Variants in CLEC16A observed in about 807,000 individuals in gnomAD.
CLEC16A encodes C-type lectin domain containing 16A, also known as protein CLEC16A.
CLEC16A carries 51 observed loss-of-function variants against 109.5 expected under a neutral mutation model. That is an observed-to-expected ratio of 0.47 (90% CI 0.37 to 0.59). The LOEUF (loss-of-function observed/expected upper bound fraction) is 0.59. Ranked by LOEUF, CLEC16A falls within the 20% of genes least tolerant of loss-of-function variation. The pLI is 0.00. For synonymous variants in CLEC16A, 673 were observed against 564.2 expected (o/e 1.19, Z -2.73); for missense variants, 1,339 against 1,394.0 (o/e 0.96, Z 0.63).
chr16:11,074,586 A>C (rs2049247560), intron 19 of CLEC16A, among the ~76,000 whole-genome samples: 1 of 151,922 alleles, frequency 6.6e-6, no homozygotes, highest in Non-Finnish European at 1.5e-5. Context: ...GCATTCATTG[A>C]TGTGGTTTAA....
At position 11,037,252 on chromosome 16, in the gene CLEC16A, G is replaced by C. The variant is rs562255435; in HGVS notation, c.1538-2502G>C. On this transcript the variant is annotated intron_variant, in intron 13 of 23. Transcript: ENST00000409790. ...CCTGTGTGCTCCTGGTGGGCTGGCT[G>C]TGTGGGTGCTGCCACCCTTTCCCAT... Among the ~76,000 whole-genome samples the C allele has an allele frequency of 1.9e-3, 293 of 152,314 alleles. 2 individuals carry two copies. The highest frequency in any genetic ancestry group is 6.7e-3 in the African/African-American group (277 of 41,564).
chr16:11,101,485 C>T (rs968412941), intron 19 of CLEC16A, among the ~76,000 whole-genome samples: 5 of 152,232 alleles, frequency 3.3e-5, no homozygotes, highest in East Asian at 1.9e-4. Context: ...TCACACTCTG[C>T]GTGTCTTGTT....
chr16:11,043,253 T>TA (rs1414347852), intron 15 of CLEC16A, among the ~76,000 whole-genome samples: 1 of 151,852 alleles, frequency 6.6e-6, no homozygotes, highest in African/African-American at 2.4e-5. Flanking sequence ...ACCCTATCTC[T>TA]AAAAAAACAA....
chr16:11,081,656 C>T (rs2049726185), intron 19 of CLEC16A, among the ~76,000 whole-genome samples: 1 of 152,166 alleles, frequency 6.6e-6, no homozygotes, highest in Non-Finnish European at 1.5e-5. Context: ...GACAGCAGTT[C>T]CAAGCCAGGA....
intron 19 of CLEC16A, 67 bp downstream of exon 19, chr16:11,061,089 G>A: frequency 1.3e-6 from 2 of 1,484,352 alleles, no homozygotes; most frequent in Non-Finnish European, 1.8e-6. Flanking sequence ...CCACTCTGCT[G>A]ATTCACACGC....
chr16:11,042,156 T>C, intron 14 of CLEC16A, 98 bp from the exon 15 acceptor site: 2 of 847,772 alleles, frequency 2.4e-6, no homozygotes, highest in Admixed American at 2.1e-5. Flanking sequence ...AGTTGGTCTA[T>C]CATGTGACCT....
At position 11,071,753 on chromosome 16, in the gene CLEC16A, A is replaced by ATTT. The variant is rs71136611; in HGVS notation, c.2116+10755_2116+10757dup. 8.8e-3 allele frequency among the ~76,000 whole-genome samples: 539 copies of ATTT among 61,280 alleles called. 66 individuals are homozygous for ATTT. The highest frequency in any genetic ancestry group is 0.032 in the African/African-American group (424 of 13,192). The allele number at this position is 61,280 out of a possible 152,430, so 40.2% of individuals were successfully genotyped here. A position where few individuals can be genotyped will look rare whatever the true frequency, so the allele number is the denominator to read the frequency against. The stretch of plus-strand genomic sequence containing the variant: ...AGATGTGCACCACCACACCTGGCTG[A>ATTT]TTTTTTTTTTTTTTTTTTTTTTTTT... On this transcript the variant is annotated intron_variant, in intron 19 of 23. Coordinates refer to ENST00000409790, the MANE Select transcript of CLEC16A (RefSeq NM_015226.3).
At chr16:10,979,077 T>C (rs975767520) in intron 8 of CLEC16A, among the ~76,000 whole-genome samples, 5 of 152,104 alleles carry the variant, frequency 3.3e-5, no homozygotes, top group Admixed American at 6.5e-5. Context: ...TTCTCGTGGG[T>C]CAGCCTCTCA....
chr16:11,087,148 A>G (rs946561427), intron 19 of CLEC16A, among the ~76,000 whole-genome samples: 3 of 152,272 alleles, frequency 2.0e-5, no homozygotes, highest in Admixed American at 1.3e-4. Flanking sequence ...ATAGAGGTTG[A>G]GATAAAATTA....
Position 11,143,326 on chromosome 16 carries a change from G to A in CLEC16A, c.2641+17180G>A, listed in dbSNP as rs1354659040. Among the ~76,000 whole-genome samples the A allele has an allele frequency of 4.6e-5, 7 of 152,144 alleles. 1 individual carries two copies. The East Asian group carries it at 1.2e-3, about 25-fold the overall frequency. On this transcript the variant is annotated intron_variant, in intron 22 of 23. Transcript: ENST00000409790. Reference sequence around the variant, plus strand: ...GTGGGCAGATATCATGCCAGTCCTCGTTTGACCTCAGTAGGGATGGCACCA... The same window carrying A: ...GTGGGCAGATATCATGCCAGTCCTCATTTGACCTCAGTAGGGATGGCACCA...
At position 11,126,002 on chromosome 16, in the gene CLEC16A, C is replaced by G. The variant is rs1345094192; in HGVS notation, c.2497C>G (p.Pro833Ala). The stretch of plus-strand genomic sequence containing the variant: ...AGCCCTCCTGGACCTCCCAATCCAG[C>G]CCACCACTGAAGTCCTGGGGTTTGG... ...IAALLDLPIQPTTEVLGFGLG... is the reference protein window; with the variant it reads ...IAALLDLPIQATTEVLGFGLG... The change falls in exon 22 of 24, where the codon CCC (proline) becomes GCC (alanine). Residue 833 changes from proline to alanine, a missense_variant. Physicochemically the swap from Pro to Ala is conservative, Grantham distance 27 (BLOSUM62 -1). Around this residue, in one of 3 missense-constraint regions of CLEC16A, gnomAD observed 1,061 missense variants for 1,006.8 expected, o/e 1.05. Coordinates refer to ENST00000409790, the MANE Select transcript of CLEC16A (RefSeq NM_015226.3). 6.2e-7 allele frequency: 1 copy of G among 1,612,834 alleles called. No individual in the cohort carries two copies. Among genetic ancestry groups the G allele is most frequent in the Non-Finnish European group, 8.5e-7 (1 of 1,179,618 alleles).
intron 19 of CLEC16A, among the ~76,000 whole-genome samples, chr16:11,071,753 ATTTTTTTTTTT>A: frequency 1.6e-5 from 1 of 61,282 alleles, no homozygotes; most frequent in East Asian, 4.9e-4. Context: ...CACCTGGCTG[ATTTTTTTTTTT>A]TTTTTTTTTT....
intron 22 of CLEC16A, among the ~76,000 whole-genome samples, chr16:11,158,038 C>T (rs543521461): frequency 7.2e-4 from 110 of 152,310 alleles, no homozygotes; most frequent in African/African-American, 2.6e-3. Context: ...AGTCACCTCC[C>T]AGCCCCCCAT....
chr16:11,122,779 G>A (rs920429631), intron 20 of CLEC16A, among the ~76,000 whole-genome samples: 3 of 151,662 alleles, frequency 2.0e-5, no homozygotes, highest in Non-Finnish European at 4.4e-5. Flanking sequence ...TGCAGAGTCC[G>A]TTCTGAGGTT....
chr16:11,154,270 G>C (rs866329259), intron 22 of CLEC16A, among the ~76,000 whole-genome samples: 2 of 152,174 alleles, frequency 1.3e-5, no homozygotes, highest in African/African-American at 2.4e-5. Context: ...TGTTTCTGTA[G>C]GTCAAGTTAG....
At chr16:11,101,810 CT>C (rs546866259) in intron 19 of CLEC16A, among the ~76,000 whole-genome samples, 23 of 146,822 alleles carry the variant, frequency 1.6e-4, no homozygotes, top group Admixed American at 2.0e-4. Context: ...CTTTTCTTTT[CT>C]TTTTTTTTTG....
At chr16:10,960,529 C>T in intron 2 of CLEC16A, among the ~76,000 whole-genome samples, 1 of 152,168 alleles carries the variant, frequency 6.6e-6, no homozygotes, top group East Asian at 1.9e-4. Context: ...GGTGATGTTA[C>T]CTTTATCACC....
At chr16:11,142,472 G>A (rs370304187) in intron 22 of CLEC16A, among the ~76,000 whole-genome samples, 4 of 152,356 alleles carry the variant, frequency 2.6e-5, no homozygotes, top group South Asian at 2.1e-4. Context: ...GCATTTGCCC[G>A]ATAGGTGTGA....
At chr16:10,993,310 C>T (rs1461353482) in intron 10 of CLEC16A, among the ~76,000 whole-genome samples, 2 of 152,012 alleles carry the variant, frequency 1.3e-5, no homozygotes, top group Non-Finnish European at 2.9e-5. Flanking sequence ...GCCTGGGAGG[C>T]GGAGGTTGCA....
Sources: allele counts gnomAD v4.1 joint callset (sites outside exome capture counted in the v4.1 genomes callset), GRCh38; gene constraint gnomAD v4.1.1; regional missense constraint gnomAD v4.1.1; transcripts MANE v1.5; gene names NCBI Gene and HGNC (gene_info 2026-07-23, HGNC 2026-07-21).